Variants in COQ10B observed in about 807,000 individuals in gnomAD.
COQ10B encodes coenzyme Q-binding protein COQ10 homolog B, mitochondrial.
COQ10B carries 12 observed loss-of-function variants against 27.6 expected under a neutral mutation model. The ratio of observed to expected loss-of-function variants is 0.43; its 90% CI spans 0.28 to 0.70. The LOEUF (loss-of-function observed/expected upper bound fraction) is 0.70, where lower values mean the gene tolerates loss of function less well. COQ10B is among the 30% of genes least tolerant of loss of function. The probability of loss-of-function intolerance (pLI) is 0.17; values close to 1 mark genes in which losing one functional copy is unlikely to be tolerated. For synonymous variants in COQ10B, 115 were observed against 103.0 expected, an observed-to-expected ratio of 1.12 and a Z score of -0.71; for missense variants, 278 against 288.7, an observed-to-expected ratio of 0.96 and a Z score of 0.27.
At chr2:197,454,381 T>C (rs1365949403) in intron 1 of COQ10B, 2 of 304,606 alleles carry the variant, frequency 6.6e-6, no homozygotes, top group East Asian at 1.5e-4. Flanking sequence ...TTAAAATGAA[T>C]TCAGGTGTAC....
rs2085765487 is a variant in COQ10B at position 197,461,975 on chromosome 2, A to C, written c.255-564A>C. ...AAATGCTGGCTACTAAAAATTTAAA[A>C]ACTACCTCTTTAGGCCGGGCGCGGT... On this transcript the variant is annotated intron_variant, in intron 2 of 4. Coordinates refer to ENST00000263960, the MANE Select transcript of COQ10B (RefSeq NM_025147.5). Among the ~76,000 whole-genome samples, 4 of 152,096 alleles carry C rather than the reference A, an allele frequency of 2.6e-5. No individual in the cohort carries two copies. The South Asian group carries it at 8.3e-4, about 32-fold the overall frequency.
chr2:197,473,496 G>A (rs1392213623), intron 4 of COQ10B, among the ~76,000 whole-genome samples: 17 of 101,448 alleles, frequency 1.7e-4, no homozygotes, highest in Admixed American at 1.6e-3. Flanking sequence ...ATGTATATAC[G>A]TATATATATA....
intron 1 of COQ10B, 122 bp downstream of exon 1, chr2:197,453,786 GAGA>G: frequency 9.5e-7 from 1 of 1,055,470 alleles, no homozygotes; most frequent in Admixed American, 2.4e-5. Context: ...GTCTTTAGAG[GAGA>G]AGGCTTTTTT....
chr2:197,459,251 C>T (rs1208803052), intron 1 of COQ10B, among the ~76,000 whole-genome samples: 2 of 152,274 alleles, frequency 1.3e-5, no homozygotes, highest in East Asian at 1.9e-4. Flanking sequence ...ATTGCAACCT[C>T]GAAGTGCTGT....
At chr2:197,463,457 T>C (rs1254964938) in intron 3 of COQ10B, among the ~76,000 whole-genome samples, 1 of 144,366 alleles carries the variant, frequency 6.9e-6, no homozygotes, top group Non-Finnish European at 1.5e-5. Flanking sequence ...GGCAACACAG[T>C]GAGACTCTGT....
intron 4 of COQ10B, among the ~76,000 whole-genome samples, chr2:197,470,824 G>A (rs2085869957): frequency 6.6e-6 from 1 of 152,224 alleles, no homozygotes; most frequent in Non-Finnish European, 1.5e-5. Context: ...GAACCCGGGA[G>A]GCGGAGGTTG....
chr2:197,460,965 G>A (rs969594312), intron 2 of COQ10B, among the ~76,000 whole-genome samples: 14 of 152,148 alleles, frequency 9.2e-5, no homozygotes, highest in African/African-American at 2.9e-4. Flanking sequence ...CTGCTAAACC[G>A]GAAATACACC....
intron 3 of COQ10B, among the ~76,000 whole-genome samples, chr2:197,464,876 T>C (rs1000169732): frequency 1.4e-5 from 2 of 139,554 alleles, no homozygotes; most frequent in African/African-American, 5.2e-5. Context: ...AACTTAAATC[T>C]TTTTTTTTTT....
At position 197,473,782 on chromosome 2, in the gene COQ10B, T is replaced by C. The variant is rs781361690; in HGVS notation, c.575T>C (p.Leu192Pro). The part of the protein sequence containing the change: ...FSISFEFRSL[L>P]HSQLATLFFD... ...ATTTCTTTTGAATTTCGATCACTTC[T>C]ACATTCCCAGCTTGCCACACTCTTT... Residue 192 changes from leucine (L) to proline (P), a missense_variant, in exon 5 of 5, where the codon CTA (leucine) becomes CCA (proline). By Grantham distance (98) the Leu-to-Pro change is moderately conservative. Around this residue, in one of 3 missense-constraint regions of COQ10B, gnomAD observed 83 missense variants for 104.5 expected, o/e 0.79. Transcript: ENST00000263960. 1 of 1,583,074 alleles carries C rather than the reference T, an allele frequency of 6.3e-7. No homozygotes were observed. Among genetic ancestry groups the C allele is most frequent in the Non-Finnish European group, 8.6e-7 (1 of 1,164,588 alleles).
At chr2:197,462,268 C>CA (rs59048976) in intron 2 of COQ10B, among the ~76,000 whole-genome samples, 1,583 of 87,040 alleles carry the variant, frequency 0.018, 24 homozygotes, top group African/African-American at 0.054. Context: ...GACTCCATCT[C>CA]AAAAAAAAAA....
chr2:197,461,466 C>T (rs187041094), intron 2 of COQ10B, among the ~76,000 whole-genome samples: 20 of 152,062 alleles, frequency 1.3e-4, no homozygotes, highest in East Asian at 3.9e-4. Flanking sequence ...AACAGCACCA[C>T]GTAAAAAGAG....
intron 4 of COQ10B, among the ~76,000 whole-genome samples, chr2:197,471,877 C>T (rs1374943705): frequency 2.0e-5 from 3 of 149,004 alleles, no homozygotes; most frequent in East Asian, 2.0e-4. Context: ...AGGAAGTGGA[C>T]GTTGCAGTGA....
intron 1 of COQ10B, among the ~76,000 whole-genome samples, chr2:197,455,280 T>A (rs2085683806): frequency 1.3e-5 from 2 of 152,054 alleles, no homozygotes; most frequent in Non-Finnish European, 2.9e-5. Flanking sequence ...AAGTAAAGGT[T>A]TCAGCACTGT....
chr2:197,453,835 G>T, intron 1 of COQ10B, 171 bp downstream of exon 1: 1 of 1,066,510 alleles, frequency 9.4e-7, no homozygotes, highest in Admixed American at 2.5e-5. Flanking sequence ...AGAGCGGCGC[G>T]CATCACCTTG....
chr2:197,466,946 A>ATT (rs761370832), intron 3 of COQ10B, among the ~76,000 whole-genome samples: 13 of 138,950 alleles, frequency 9.4e-5, no homozygotes, highest in African/African-American at 2.1e-4. Context: ...CAGTTTCCAG[A>ATT]TTTTTTTTTT....
intron 1 of COQ10B, chr2:197,453,984 T>A: frequency 6.4e-7 from 1 of 1,550,994 alleles, no homozygotes; most frequent in Non-Finnish European, 8.7e-7. Context: ...CTACTGCTGT[T>A]GGAAAGTTTT....
chr2:197,456,381 C>CT (rs2106044376), intron 1 of COQ10B, among the ~76,000 whole-genome samples: 1 of 151,448 alleles, frequency 6.6e-6, no homozygotes, highest in South Asian at 2.1e-4. Context: ...AGGAGAATCG[C>CT]TTGAACTGGA....
intron 3 of COQ10B, among the ~76,000 whole-genome samples, chr2:197,466,242 C>T (rs761427588): frequency 2.0e-5 from 3 of 152,168 alleles, no homozygotes; most frequent in Non-Finnish European, 4.4e-5. Flanking sequence ...AAAAGTTCCA[C>T]GAATGCACAG....
intron 1 of COQ10B, among the ~76,000 whole-genome samples, chr2:197,455,828 C>T (rs1052795288): frequency 6.6e-6 from 1 of 152,058 alleles, no homozygotes. Context: ...GGCTTGGTGG[C>T]GCATGCCTGT....
Sources: gnomAD v4.1 joint callset for allele counts (sites outside exome capture counted in the v4.1 genomes callset) on GRCh38, gnomAD v4.1.1 for gene constraint, gnomAD v4.1.1 regional missense constraint, MANE v1.5 for transcripts, NCBI Gene and HGNC (gene_info 2026-07-23, HGNC 2026-07-21) for gene names.